The following TAFA1 variants were observed in gnomAD, a reference collection of about 807,000 sequenced individuals.
The protein encoded by TAFA1 is chemokine-like protein TAFA-1.
A neutral mutation model predicts 18.5 loss-of-function variants in TAFA1; 4 were observed. The observed-to-expected ratio is 0.22, with a 90% confidence interval of 0.11 to 0.49. The LOEUF (loss-of-function observed/expected upper bound fraction) is 0.49. TAFA1 is among the 20% of genes least tolerant of loss of function. The pLI is 0.98. For missense variants in TAFA1, 147 were observed against 169.0 expected (o/e 0.87, Z 0.72); for synonymous variants, 56 against 55.2 (o/e 1.01, Z -0.06).
chr3:68,466,391 C>T (rs2071885041), intron 3 of TAFA1, among the ~76,000 whole-genome samples: 1 of 152,084 alleles, frequency 6.6e-6, no homozygotes, highest in Admixed American at 6.6e-5. Flanking sequence ...ATTGTTTATT[C>T]TGATGGTGTG....
intron 2 of TAFA1, among the ~76,000 whole-genome samples, chr3:68,213,956 G>T (rs1184701924): frequency 6.6e-6 from 1 of 152,006 alleles, no homozygotes; most frequent in African/African-American, 2.4e-5. Flanking sequence ...CACAAAAAAA[G>T]ACTATATACA....
At chr3:68,187,479 C>T (rs2107003353) in intron 2 of TAFA1, among the ~76,000 whole-genome samples, 1 of 152,130 alleles carries the variant, frequency 6.6e-6, no homozygotes, top group South Asian at 2.1e-4. Context: ...TGTGGCTTCA[C>T]TTGTTCAACA....
At chr3:68,136,813 G>A (rs1401692785) in intron 2 of TAFA1, among the ~76,000 whole-genome samples, 1 of 152,100 alleles carries the variant, frequency 6.6e-6, no homozygotes, top group African/African-American at 2.4e-5. Context: ...TCTTCCATCA[G>A]TGTACATCTT....
At chr3:68,049,061 A>G (rs567619299) in intron 2 of TAFA1, among the ~76,000 whole-genome samples, 1 of 152,190 alleles carries the variant, frequency 6.6e-6, no homozygotes, top group Non-Finnish European at 1.5e-5. Flanking sequence ...GTGATTGCAC[A>G]AATTTACATT....
chr3:68,305,169 C>G (rs765061297), intron 2 of TAFA1, among the ~76,000 whole-genome samples: 1 of 151,636 alleles, frequency 6.6e-6, no homozygotes, highest in African/African-American at 2.4e-5. Context: ...TATTCCTTGT[C>G]TTTCAGGTGC....
chr3:68,177,826 T>G (rs2066144024), intron 2 of TAFA1, among the ~76,000 whole-genome samples: 1 of 152,080 alleles, frequency 6.6e-6, no homozygotes, highest in African/African-American at 2.4e-5. Flanking sequence ...TAGTAGATAT[T>G]TCAGAGGATG....
intron 2 of TAFA1, among the ~76,000 whole-genome samples, chr3:68,037,616 T>G (rs1705079665): frequency 6.6e-6 from 1 of 152,216 alleles, no homozygotes. Flanking sequence ...ACTTTCAGTT[T>G]TAGTGGAAAA....
chr3:68,528,327 C>T lies in TAFA1; in HGVS notation c.260-10429C>T, dbSNP rs143801223. Among the ~76,000 whole-genome samples the T allele has an allele frequency of 6.6e-5, 10 of 152,294 alleles. No homozygotes were observed. In the East Asian group the frequency reaches 1.9e-3, roughly 29 times the overall value. ...GCAATTTTCCAAAGTCATACTATTA[C>T]AAAGTGGTAGAACTAAAATTCAAAC... On this transcript the variant is annotated intron_variant, in intron 3 of 4. Transcript: ENST00000478136.
intron 3 of TAFA1, among the ~76,000 whole-genome samples, chr3:68,479,237 A>ATAT (rs1314184316): frequency 7.9e-6 from 1 of 126,914 alleles, no homozygotes; most frequent in African/African-American, 3.7e-5. Context: ...CTCAAAAAAA[A>ATAT]AAAAATATAT....
chr3:68,222,839 A>T (rs1175081647), intron 2 of TAFA1, among the ~76,000 whole-genome samples: 2 of 151,838 alleles, frequency 1.3e-5, no homozygotes. Flanking sequence ...TACCCAGTTA[A>T]TTTTTGTATT....
intron 2 of TAFA1, among the ~76,000 whole-genome samples, chr3:68,327,484 T>G (rs1026660914): frequency 6.6e-6 from 1 of 152,150 alleles, no homozygotes; most frequent in Non-Finnish European, 1.5e-5. Flanking sequence ...TAGACCAATC[T>G]GGGTTCAAGT....
intron 3 of TAFA1, among the ~76,000 whole-genome samples, chr3:68,485,597 A>C (rs2072320401): frequency 6.6e-6 from 1 of 152,216 alleles, no homozygotes; most frequent in African/African-American, 2.4e-5. Flanking sequence ...AATAAATGTA[A>C]GCAAATTGTA....
intron 2 of TAFA1, among the ~76,000 whole-genome samples, chr3:68,071,288 C>T (rs1281899977): frequency 5.9e-5 from 9 of 152,188 alleles, no homozygotes; most frequent in Non-Finnish European, 1.2e-4. Flanking sequence ...TGCAGGGAAA[C>T]GCCCCCTTAC....
At chr3:68,027,291 C>G (rs1272989430) in intron 2 of TAFA1, among the ~76,000 whole-genome samples, 1 of 152,164 alleles carries the variant, frequency 6.6e-6, no homozygotes, top group East Asian at 1.9e-4. Flanking sequence ...AGACTTTTCT[C>G]CCAATATTTA....
intron 3 of TAFA1, among the ~76,000 whole-genome samples, chr3:68,423,255 T>C (rs924607433): frequency 6.6e-6 from 1 of 152,146 alleles, no homozygotes; most frequent in Non-Finnish European, 1.5e-5. Flanking sequence ...TCTAAGTCTA[T>C]ACACTTATTT....
chr3:68,153,479 G>T (rs558289110), intron 2 of TAFA1, among the ~76,000 whole-genome samples: 1 of 152,292 alleles, frequency 6.6e-6, no homozygotes, highest in African/African-American at 2.4e-5. Context: ...GCTGAAAGAT[G>T]TGAATAGAAA....
At chr3:68,001,299 T>C (rs1704280999), upstream of TAFA1, among the ~76,000 whole-genome samples, 1 of 152,216 alleles carries the variant, frequency 6.6e-6, no homozygotes, top group Non-Finnish European at 1.5e-5. Flanking sequence ...TTATAGTTGA[T>C]AAAGTAATTG....
chr3:68,468,938 G>C (rs1028090723), intron 3 of TAFA1, among the ~76,000 whole-genome samples: 5 of 152,004 alleles, frequency 3.3e-5, no homozygotes, highest in Admixed American at 6.6e-5. Context: ...AATTCCACGA[G>C]GTGTCAAATT....
chr3:68,510,075 C>T (rs2072822602), intron 3 of TAFA1, among the ~76,000 whole-genome samples: 1 of 152,112 alleles, frequency 6.6e-6, no homozygotes, highest in African/African-American at 2.4e-5. Flanking sequence ...CTCTTTGCTC[C>T]ATGCTTCCTC....
Sources: gnomAD v4.1 joint callset for allele counts (sites outside exome capture counted in the v4.1 genomes callset) on GRCh38, gnomAD v4.1.1 for gene constraint, MANE v1.5 for transcripts, NCBI Gene and HGNC (gene_info 2026-07-23, HGNC 2026-07-21) for gene names.